The following TENM4 variants were observed in gnomAD, a reference collection of about 807,000 sequenced individuals.
The protein encoded by TENM4 is teneurin-4.
Under a neutral mutation model 243.3 loss-of-function variants are expected in TENM4, and 82 were observed. The ratio of observed to expected loss-of-function variants is 0.34; its 90% confidence interval spans 0.28 to 0.40. The LOEUF (loss-of-function observed/expected upper bound fraction) is 0.40. TENM4 is among the 10% of genes least tolerant of loss of function. The pLI is 1.00. For missense variants in TENM4, 3,138 were observed against 3,673.3 expected (o/e 0.85, Z 3.77); for synonymous variants, 1,412 against 1,456.3 (o/e 0.97, Z 0.69).
At chr11:78,879,455 G>C (rs1859367758) in intron 9 of TENM4, among the ~76,000 whole-genome samples, 1 of 139,260 alleles carries the variant, frequency 7.2e-6, no homozygotes, top group Admixed American at 7.1e-5. Context: ...GAGTGCCTCT[G>C]CCCGGCCGCC....
At position 78,881,058 on chromosome 11, in the gene TENM4, C is replaced by T. The variant is rs376703236; in HGVS notation, c.1084+8727G>A. 1.2e-4 allele frequency among the ~76,000 whole-genome samples: 19 copies of T among 152,292 alleles called. No homozygotes were observed. In the South Asian group the frequency reaches 3.3e-3, roughly 27 times the overall value. On this transcript the variant is annotated intron_variant, in intron 9 of 33. Coordinates refer to ENST00000278550, the MANE Select transcript of TENM4 (RefSeq NM_001098816.3). ...AAAATGTGTTAATTTTCTGTATGTA[C>T]ATTATATCTCAATAAATCTGATATG... is the stretch of plus-strand genomic sequence containing the variant.
intron 3 of TENM4, among the ~76,000 whole-genome samples, chr11:79,157,458 C>T (rs1278812282): frequency 6.6e-6 from 1 of 152,142 alleles, no homozygotes; most frequent in East Asian, 1.9e-4. Context: ...CGAATGTGTG[C>T]CGAGTCCCTA....
chr11:79,137,457 C>T (rs987734385), intron 4 of TENM4, among the ~76,000 whole-genome samples: 1 of 152,098 alleles, frequency 6.6e-6, no homozygotes, highest in Non-Finnish European at 1.5e-5. Flanking sequence ...ATGAACCAGA[C>T]CCCTCAGGAA....
At chr11:79,294,619 TG>T (rs777314793) in intron 2 of TENM4, among the ~76,000 whole-genome samples, 1 of 152,034 alleles carries the variant, frequency 6.6e-6, no homozygotes, top group Non-Finnish European at 1.5e-5. Flanking sequence ...GAGGATGAGG[TG>T]GGCAAATCAT....
intron 32 of TENM4, among the ~76,000 whole-genome samples, chr11:78,666,480 T>A (rs1481004878): frequency 6.6e-6 from 1 of 152,242 alleles, no homozygotes; most frequent in East Asian, 1.9e-4. Context: ...TATACCTCAC[T>A]CCTCTCTGGA....
At chr11:78,723,213 A>C (rs913753990) in intron 23 of TENM4, among the ~76,000 whole-genome samples, 3 of 152,252 alleles carry the variant, frequency 2.0e-5, no homozygotes, top group African/African-American at 4.8e-5. Flanking sequence ...ACAGAAGATA[A>C]GTGGAAGAGC....
intron 2 of TENM4, among the ~76,000 whole-genome samples, chr11:79,273,539 G>A (rs999661113): frequency 2.0e-5 from 3 of 152,134 alleles, no homozygotes; most frequent in Non-Finnish European, 2.9e-5. Flanking sequence ...CAATCGCTTC[G>A]CAAAGCAATC....
In TENM4 at chr11:79,064,812, C is replaced by G. The variant is rs545775431; in HGVS notation, c.419G>C (p.Arg140Pro). The stretch of plus-strand genomic sequence containing the variant: ...GGCCCGGCTGGACAGGCAGGAGCTG[C>G]GCCCTGACCGTGTGCTCCGGCCCCA... The part of the protein sequence containing the change: ...RLWGRSTRSG[R>P]SSCLSSRANS... The change falls in exon 6 of 34, where the codon CGC becomes CCC. Residue 140 changes from arginine to proline, a missense_variant. Arg to Pro is a moderately radical substitution (Grantham distance 103). This residue lies in a region of TENM4 where 671 missense variants were observed against 614.1 expected (regional missense o/e 1.09). Transcript: ENST00000278550. The G allele has an allele frequency of 6.4e-7, 1 of 1,551,486 alleles. No individual in the cohort carries two copies. The highest frequency in any genetic ancestry group is 1.2e-5 in the South Asian group (1 of 84,058).
chr11:79,271,805 C>A (rs539679229), intron 2 of TENM4, among the ~76,000 whole-genome samples: 1 of 152,204 alleles, frequency 6.6e-6, no homozygotes, highest in Non-Finnish European at 1.5e-5. Context: ...TTGGCAAGAC[C>A]ACCTAGTAAT....
At chr11:78,975,017 A>T (rs1279659208) in intron 6 of TENM4, among the ~76,000 whole-genome samples, 1 of 151,980 alleles carries the variant, frequency 6.6e-6, no homozygotes, top group African/African-American at 2.4e-5. Context: ...CCCCAGCTAC[A>T]CATCCAGGCA....
intron 6 of TENM4, among the ~76,000 whole-genome samples, chr11:78,942,761 G>A (rs569793674): frequency 2.3e-4 from 34 of 147,826 alleles, no homozygotes; most frequent in Non-Finnish European, 4.4e-4. Flanking sequence ...TACCTCATTT[G>A]CCTCCCTCTC....
intron 3 of TENM4, among the ~76,000 whole-genome samples, chr11:79,166,946 G>A (rs562092126): frequency 6.6e-6 from 1 of 152,330 alleles, no homozygotes; most frequent in African/African-American, 2.4e-5. Flanking sequence ...AGAACATAAA[G>A]CAGGGGAGTG....
intron 9 of TENM4, among the ~76,000 whole-genome samples, chr11:78,878,386 T>C (rs1469772409): frequency 2.0e-5 from 3 of 152,136 alleles, no homozygotes; most frequent in African/African-American, 7.2e-5. Flanking sequence ...GTCACAGTCA[T>C]TTAGCAGCAA....
chr11:79,421,293 T>G (rs1039210568), intron 1 of TENM4, among the ~76,000 whole-genome samples: 1 of 152,220 alleles, frequency 6.6e-6, no homozygotes, highest in African/African-American at 2.4e-5. Flanking sequence ...TTCATCCATA[T>G]GTATGTGAAG....
rs955364973 is a variant in TENM4, at chr11:78,867,445, T to C, written c.1085-4313A>G. On this transcript the variant is annotated intron_variant, in intron 9 of 33. Transcript: ENST00000278550. ...CATGCTAGTGACCCTGTCATTCTTT[T>C]ACTGTATTGTTAGGCAGGTGGTTAA... Among the ~76,000 whole-genome samples the C allele has an allele frequency of 2.0e-5, 3 of 152,352 alleles. No homozygotes were observed. The East Asian group carries it at 5.8e-4, about 29-fold the overall frequency.
rs559229493 is a variant in TENM4, at chr11:78,746,729, C to T, written c.2757-8159G>A. On this transcript the variant is annotated intron_variant, in intron 19 of 33. Coordinates refer to ENST00000278550, the MANE Select transcript of TENM4 (RefSeq NM_001098816.3). ...GTCTGGGGACATGGCTCAGAAATAC[C>T]GTCGTTGTGCCTGGGGACATGGGAT... Among the ~76,000 whole-genome samples the T allele has an allele frequency of 6.0e-4, 92 of 152,304 alleles. 1 individual carries two copies. Among genetic ancestry groups the T allele is most frequent in the African/African-American group, 2.1e-3 (88 of 41,574 alleles).
intron 4 of TENM4, chr11:79,096,330 T>C (rs1319774603): frequency 6.6e-6 from 1 of 152,140 alleles, no homozygotes; most frequent in Non-Finnish European, 1.5e-5. Flanking sequence ...ACACAGTCAA[T>C]GAAGAAACAA....
At chr11:79,404,416 G>A (rs1858525119) in intron 1 of TENM4, among the ~76,000 whole-genome samples, 1 of 152,194 alleles carries the variant, frequency 6.6e-6, no homozygotes, top group Admixed American at 6.5e-5. Context: ...AAGTTGCAGA[G>A]AGAGAAAGTA....
intron 6 of TENM4, among the ~76,000 whole-genome samples, chr11:78,943,355 G>A (rs373978910): frequency 1.2e-4 from 19 of 152,188 alleles, no homozygotes; most frequent in African/African-American, 4.3e-4. Flanking sequence ...AAAAAAGGAC[G>A]CCTTGGTGTG....
Sources: gnomAD v4.1 joint callset for allele counts (sites outside exome capture counted in the v4.1 genomes callset) on GRCh38, gnomAD v4.1.1 for gene constraint, gnomAD v4.1.1 regional missense constraint, MANE v1.5 for transcripts, NCBI Gene and HGNC (gene_info 2026-07-23, HGNC 2026-07-21) for gene names.